ZNF599: variants seen among roughly 807,000 people sequenced by gnomAD.
ZNF599 encodes the protein zinc finger protein 599.
Under a neutral mutation model 11.7 loss-of-function variants are expected in ZNF599, and 10 were observed. The observed-to-expected ratio is 0.86, with a 90% CI of 0.53 to 1.45. The LOEUF (loss-of-function observed/expected upper bound fraction) is 1.45. Ranked by LOEUF, ZNF599 falls within the 40% of genes most tolerant of loss-of-function variation. The probability of loss-of-function intolerance (pLI) is 0.00; values close to 1 mark genes in which losing one functional copy is unlikely to be tolerated. For synonymous variants in ZNF599, 232 were observed against 253.2 expected (o/e 0.92, Z 0.79); for missense variants, 688 against 713.6 (o/e 0.96, Z 0.41).
chr19:34,786,238 C>A, the ZNF599 span, among the ~76,000 whole-genome samples: 6 of 152,104 alleles, frequency 3.9e-5, no homozygotes, highest in African/African-American at 1.4e-4. Context: ...GTCAGCTTAC[C>A]AGAATCCCCC....
At chr19:34,762,974 A>G (rs1249416901) in intron 3 of ZNF599, 2 of 152,224 alleles carry the variant, frequency 1.3e-5, no homozygotes, top group Non-Finnish European at 2.9e-5. Flanking sequence ...AAGTAGGCAA[A>G]TATTTTACAT....
the ZNF599 span, among the ~76,000 whole-genome samples, chr19:34,781,171 T>TA: frequency 1.5e-4 from 7 of 46,496 alleles, no homozygotes; most frequent in South Asian, 1.1e-3. Flanking sequence ...AAAATAAAAA[T>TA]AAAAAAAAGA....
Position 34,772,920 on chromosome 19 carries a change from C to T in ZNF599, c.-79G>A. The stretch of plus-strand genomic sequence containing the variant: ...GGGCTCGGCCGACCCCGGGCTCCGG[C>T]TCTGGGCTGCGAGGGACCTCAGTCC... On this transcript the variant is annotated 5_prime_UTR_variant, in exon 1 of 4. Coordinates refer to ENST00000329285, the MANE Select transcript of ZNF599 (RefSeq NM_001007248.3). 7.2e-7 allele frequency: 1 copy of T among 1,383,748 alleles called. No individual in the cohort carries two copies. The highest frequency in any genetic ancestry group is 9.3e-7 in the Non-Finnish European group (1 of 1,071,514). 85.7% of individuals were successfully genotyped at this position (1,383,748 alleles called of 1,614,324 possible).
At chr19:34,796,604 C>T in the ZNF599 span, among the ~76,000 whole-genome samples, 1 of 152,216 alleles carries the variant, frequency 6.6e-6, no homozygotes, top group Non-Finnish European at 1.5e-5. Flanking sequence ...AGCCACCATG[C>T]CCAGCCTTTC....
upstream of ZNF599, among the ~76,000 whole-genome samples, chr19:34,777,399 A>C (rs1343506017): frequency 1.1e-5 from 1 of 88,776 alleles, no homozygotes; most frequent in Non-Finnish European, 2.0e-5. Flanking sequence ...TATATAATAT[A>C]TATTATATAT....
the ZNF599 span, among the ~76,000 whole-genome samples, chr19:34,799,714 C>G: frequency 1.3e-5 from 2 of 152,302 alleles, no homozygotes; most frequent in East Asian, 3.9e-4. Context: ...GAGATTGAGG[C>G]CTCCCCTTTT....
At chr19:34,790,711 A>C in the ZNF599 span, among the ~76,000 whole-genome samples, 4 of 152,168 alleles carry the variant, frequency 2.6e-5, no homozygotes, top group South Asian at 8.3e-4. Flanking sequence ...ACTATAACAA[A>C]CAATGTACTG....
chr19:34,768,930 A>G (rs10417392), intron 2 of ZNF599, among the ~76,000 whole-genome samples: 16 of 152,234 alleles, frequency 1.1e-4, no homozygotes, highest in African/African-American at 3.1e-4. Flanking sequence ...GTAGCAGCAG[A>G]GGAGCAAGGC....
chr19:34,763,327 T>C (rs1252328076), intron 3 of ZNF599: 1 of 152,226 alleles, frequency 6.6e-6, no homozygotes, highest in Admixed American at 6.5e-5. Flanking sequence ...AATCATTATT[T>C]ATAATTTTTC....
At chr19:34,772,328 C>T in intron 1 of ZNF599, 2 of 990,998 alleles carry the variant, frequency 2.0e-6, no homozygotes, top group Non-Finnish European at 1.2e-6. Context: ...ATGCTGCTCC[C>T]GCCTCACCTC....
the ZNF599 span, among the ~76,000 whole-genome samples, chr19:34,782,963 C>A: frequency 1.3e-5 from 2 of 152,192 alleles, no homozygotes; most frequent in Non-Finnish European, 2.9e-5. Context: ...CTACTCTCCT[C>A]CCCAACTTCC....
the ZNF599 span, among the ~76,000 whole-genome samples, chr19:34,804,812 A>C: frequency 1.3e-5 from 2 of 152,176 alleles, no homozygotes; most frequent in South Asian, 4.1e-4. Flanking sequence ...GATAAGCTCC[A>C]AGTCTGCCTT....
At chr19:34,768,427 T>A (rs2069159064) in intron 2 of ZNF599, among the ~76,000 whole-genome samples, 1 of 152,242 alleles carries the variant, frequency 6.6e-6, no homozygotes, top group South Asian at 2.1e-4. Context: ...GGGAGAGCCC[T>A]GTCGATGGTA....
At position 34,759,328 on chromosome 19, in the gene ZNF599, G is replaced by A. The variant is rs2069092378; in HGVS notation, c.1473C>T (p.Ser491=). The change falls in exon 4 of 4, where the codon AGC becomes AGT. Residue 491 remains serine, a synonymous_variant. Transcript: ENST00000329285. The stretch of plus-strand genomic sequence containing the variant: ...TCCTCATGTGTCGAGTGAAGGAAGA[G>A]CTATAGTAAAAGGCTTTTGCACATT... The part of the protein sequence containing the change: ...CKECAKAFYY[S]SSFTRHMRIH... 2 of 1,614,188 alleles carry A rather than the reference G, an allele frequency of 1.2e-6. No homozygotes were observed. The highest frequency in any genetic ancestry group is 1.7e-6 in the Non-Finnish European group (2 of 1,180,034).
chr19:34,775,823 A>G (rs1434514832), upstream of ZNF599, among the ~76,000 whole-genome samples: 1 of 152,228 alleles, frequency 6.6e-6, no homozygotes, highest in African/African-American at 2.4e-5. Flanking sequence ...AACAAAACAT[A>G]TTAGTAAATT....
At chr19:34,801,993 T>C in the ZNF599 span, among the ~76,000 whole-genome samples, 1 of 152,324 alleles carries the variant, frequency 6.6e-6, no homozygotes, top group South Asian at 2.1e-4. Flanking sequence ...GGGGTGGGCT[T>C]TCTGAGGAAA....
At chr19:34,775,778 T>A (rs2069214936), upstream of ZNF599, among the ~76,000 whole-genome samples, 1 of 152,228 alleles carries the variant, frequency 6.6e-6, no homozygotes, top group Non-Finnish European at 1.5e-5. Context: ...TAAGCTTTAT[T>A]TATGAGGATA....
intron 1 of ZNF599, 159 bp downstream of exon 1, chr19:34,772,665 G>A: frequency 6.9e-7 from 1 of 1,442,694 alleles, no homozygotes. Flanking sequence ...GGTAGGAAGT[G>A]ATTAGCCCTG....
At position 34,759,179 on chromosome 19, in the gene ZNF599, T is replaced by A; in HGVS notation, c.1622A>T (p.Glu541Val). The change falls in exon 4 of 4, where the codon GAG becomes GTG. Residue 541 changes from glutamate to valine, a missense_variant. Glu to Val is a moderately radical substitution (Grantham distance 121, BLOSUM62 -2). Transcript: ENST00000329285. Reference sequence around the variant, plus strand: ...AGCAAAGTTGTCACAGAAGGCTTTCTCACATTCTTTGCATTCAAAAGGTTT... The same window carrying A: ...AGCAAAGTTGTCACAGAAGGCTTTCACACATTCTTTGCATTCAAAAGGTTT... ...GEKPFECKEC[E>V]KAFCDNFALT... 1 of 1,614,022 alleles carries A rather than the reference T, an allele frequency of 6.2e-7. No individual in the cohort carries two copies. Among genetic ancestry groups the A allele is most frequent in the South Asian group, 1.1e-5 (1 of 91,076 alleles).
Sources: allele counts gnomAD v4.1 joint callset (sites outside exome capture counted in the v4.1 genomes callset), GRCh38; gene constraint gnomAD v4.1.1; transcripts MANE v1.5; gene names NCBI Gene and HGNC (gene_info 2026-07-23, HGNC 2026-07-21).